The following ANXA4 variants were observed in gnomAD, a reference collection of about 807,000 sequenced individuals.
The protein encoded by ANXA4 is 35-beta calcimedin.
A neutral mutation model predicts 49.8 loss-of-function variants in ANXA4; 39 were observed. The observed-to-expected ratio is 0.78, with a 90% CI of 0.61 to 1.02. The LOEUF is 1.02. Among genes scored for constraint, ANXA4 ranks in the 50% least tolerant of loss-of-function variants. ANXA4 has a pLI of 0.00. For missense variants in ANXA4, 360 were observed against 410.1 expected, an observed-to-expected ratio of 0.88 and a Z score of 1.05; for synonymous variants, 134 against 152.5, an observed-to-expected ratio of 0.88 and a Z score of 0.89.
In ANXA4 at chr2:69,810,474, C is replaced by G. The variant is rs913883935; in HGVS notation, c.398-120C>G. The G allele has an allele frequency of 3.9e-6, 3 of 776,484 alleles. No homozygotes were observed. The Admixed American group carries it at 6.2e-5, about 16-fold the overall frequency. 48.1% of individuals were successfully genotyped at this position (776,484 alleles called of 1,614,324 possible). ...AAAAACTGTGTGTGGGGTGAAAAAACCTCATGATAAGCTGCTTCCATAAGC... is the reference window on the plus strand; with the variant it reads ...AAAAACTGTGTGTGGGGTGAAAAAAGCTCATGATAAGCTGCTTCCATAAGC... On this transcript the variant is annotated intron_variant, in intron 6 of 12. Coordinates refer to ENST00000394295, the MANE Select transcript of ANXA4 (RefSeq NM_001153.5).
At chr2:69,691,127 T>C (rs575120413) in intron 2 of ANXA4, among the ~76,000 whole-genome samples, 1,601 of 151,962 alleles carry the variant, frequency 0.011, 22 homozygotes, top group African/African-American at 0.037. Context: ...CAGTCTTTTT[T>C]TTTTTTTCTT....
chr2:69,674,366 A>G (rs937521215), intron 2 of ANXA4: 1 of 152,180 alleles, frequency 6.6e-6, no homozygotes, highest in African/African-American at 2.4e-5. Context: ...TTAACATTTC[A>G]AGCCAAGTTC....
intron 3 of ANXA4, among the ~76,000 whole-genome samples, chr2:69,724,415 T>TC (rs1480032876): frequency 2.0e-5 from 3 of 152,142 alleles, no homozygotes; most frequent in South Asian, 2.1e-4. Context: ...TGGGGCTTCA[T>TC]CCCCCCATAT....
intron 2 of ANXA4, among the ~76,000 whole-genome samples, chr2:69,701,450 A>AGCGG: frequency 6.6e-6 from 1 of 152,288 alleles, no homozygotes; most frequent in Non-Finnish European, 1.5e-5. Context: ...ACCTTGTAAA[A>AGCGG]GCGGAATCAT....
At chr2:69,810,485 G>A (rs893259002) in intron 6 of ANXA4, 109 bp from the exon 7 acceptor site, 17 of 862,292 alleles carry the variant, frequency 2.0e-5, no homozygotes, top group African/African-American at 1.7e-5. Context: ...CTCATGATAA[G>A]CTGCTTCCAT....
At chr2:69,819,189 C>G in intron 10 of ANXA4, 91 bp from the exon 11 acceptor site, 1 of 929,964 alleles carries the variant, frequency 1.1e-6, no homozygotes, top group Non-Finnish European at 1.6e-6. Context: ...ATATTGATAC[C>G]TTGTAGAAAC....
At chr2:69,681,280 T>G (rs1036363528) in intron 2 of ANXA4, among the ~76,000 whole-genome samples, 1 of 152,106 alleles carries the variant, frequency 6.6e-6, no homozygotes, top group African/African-American at 2.4e-5. Context: ...TTTTCCAGTT[T>G]GTTAGTGTAT....
chr2:69,659,186 G>A (rs1170838486), intron 2 of ANXA4, among the ~76,000 whole-genome samples: 1 of 152,152 alleles, frequency 6.6e-6, no homozygotes, highest in African/African-American at 2.4e-5. Context: ...GTTCATATAT[G>A]TTTCAAGAAA....
chr2:69,656,371 ATATATGTGTATATATATGTG>A (rs1573060778), intron 2 of ANXA4, among the ~76,000 whole-genome samples: 3 of 127,776 alleles, frequency 2.3e-5, no homozygotes, highest in African/African-American at 1.0e-4. Flanking sequence ...ATATATGTGT[ATATATGTGTATATATATGTG>A]TATATATATG....
intron 5 of ANXA4, among the ~76,000 whole-genome samples, chr2:69,807,202 T>C (rs1317186474): frequency 2.0e-5 from 3 of 152,176 alleles, no homozygotes; most frequent in African/African-American, 7.2e-5. Context: ...GTGATTATAA[T>C]TGTCGCTTTT....
At chr2:69,718,231 T>C (rs1420642418) in intron 2 of ANXA4, among the ~76,000 whole-genome samples, 1 of 152,094 alleles carries the variant, frequency 6.6e-6, no homozygotes, top group Admixed American at 6.5e-5. Context: ...CCAGATTTGC[T>C]AGACAAAAGC....
At chr2:69,663,382 G>A (rs1676807187) in intron 2 of ANXA4, among the ~76,000 whole-genome samples, 1 of 136,410 alleles carries the variant, frequency 7.3e-6, no homozygotes, top group African/African-American at 2.8e-5. Flanking sequence ...ACAATATAAG[G>A]GAAGGATCTG....
chr2:69,776,974 C>T (rs1004270411), intron 1 of ANXA4, among the ~76,000 whole-genome samples: 6 of 152,126 alleles, frequency 3.9e-5, no homozygotes, highest in South Asian at 4.1e-4. Flanking sequence ...TCCCATGACC[C>T]CCTGTTGACT....
intron 9 of ANXA4, 96 bp from the exon 10 acceptor site, chr2:69,818,503 A>G: frequency 1.4e-6 from 1 of 698,428 alleles, no homozygotes; most frequent in East Asian, 2.9e-5. Context: ...CCAAAGAATA[A>G]ATAGTGTAGG....
chr2:69,677,687 G>C (rs938440710), intron 2 of ANXA4, among the ~76,000 whole-genome samples: 1 of 152,170 alleles, frequency 6.6e-6, no homozygotes, highest in Non-Finnish European at 1.5e-5. Context: ...TGAGCTGAAG[G>C]AGACTGGAAG....
intron 2 of ANXA4, 23 bp downstream of exon 2, chr2:69,781,597 C>CCTAT (rs775898435): frequency 2.5e-6 from 4 of 1,613,854 alleles, no homozygotes; most frequent in Non-Finnish European, 3.4e-6. Flanking sequence ...ATACCTCAAC[C>CCTAT]CTATCTGGTG....
intron 3 of ANXA4, among the ~76,000 whole-genome samples, chr2:69,723,841 A>C (rs1013377713): frequency 6.6e-6 from 1 of 151,990 alleles, no homozygotes; most frequent in Non-Finnish European, 1.5e-5. Flanking sequence ...TGCACCACCC[A>C]CTGCACCCAG....
intron 3 of ANXA4, among the ~76,000 whole-genome samples, chr2:69,736,410 T>A (rs1251082936): frequency 2.0e-5 from 3 of 152,190 alleles, no homozygotes; most frequent in African/African-American, 7.2e-5. Context: ...CGTGTGAGGA[T>A]TAAATCATTA....
At chr2:69,781,703 G>C in intron 2 of ANXA4, 129 bp downstream of exon 2, 4 of 1,086,830 alleles carry the variant, frequency 3.7e-6, no homozygotes, top group Admixed American at 1.9e-5. Context: ...GACATGAAAA[G>C]GCAGGTCTAT....
Sources: allele counts gnomAD v4.1 joint callset (sites outside exome capture counted in the v4.1 genomes callset), GRCh38; gene constraint gnomAD v4.1.1; transcripts MANE v1.5; gene names NCBI Gene and HGNC (gene_info 2026-07-23, HGNC 2026-07-21).